Variants in ABCC4 observed in about 807,000 individuals in gnomAD.
ABCC4 encodes ATP binding cassette subfamily C member 4 (PEL blood group).
Under a neutral mutation model 168.5 loss-of-function variants are expected in ABCC4, and 102 were observed. The observed-to-expected ratio is 0.61, with a 90% CI of 0.52 to 0.71. The LOEUF is 0.71. ABCC4 is among the 30% of genes least tolerant of loss of function. The probability of loss-of-function intolerance (pLI) is 0.00; values close to 1 mark genes in which losing one functional copy is unlikely to be tolerated. For missense variants in ABCC4, 1,402 were observed against 1,605.8 expected, an observed-to-expected ratio of 0.87 and a Z score of 2.17; for synonymous variants, 617 against 590.7, an observed-to-expected ratio of 1.04 and a Z score of -0.65.
rs759121857 is a variant in ABCC4 at position 95,216,820 on chromosome 13, T to G, written c.532-6039A>C. Among the ~76,000 whole-genome samples the G allele has an allele frequency of 2.0e-5, 3 of 152,234 alleles. No homozygotes were observed. In the South Asian group the frequency reaches 6.2e-4, roughly 32 times the overall value. On this transcript the variant is annotated intron_variant, in intron 4 of 30. Coordinates refer to ENST00000645237, the MANE Select transcript of ABCC4 (RefSeq NM_005845.5). ...ATTTCACCGGGGAAAATGTAAGTAA[T>G]TAACAACTCTTGGGGAGGAAATCAA... is the stretch of plus-strand genomic sequence containing the variant.
At chr13:95,253,868 C>G (rs1019530946) in intron 1 of ABCC4, among the ~76,000 whole-genome samples, 15 of 152,068 alleles carry the variant, frequency 9.9e-5, no homozygotes, top group Non-Finnish European at 1.5e-5. Context: ...GGGCAATACT[C>G]TCATGCAAAT....
At chr13:95,030,366 A>C (rs532519984) in intron 30 of ABCC4, among the ~76,000 whole-genome samples, 7 of 152,208 alleles carry the variant, frequency 4.6e-5, no homozygotes, top group African/African-American at 1.7e-4. Flanking sequence ...TCATGAGTGC[A>C]TAAAATGGCA....
At chr13:95,146,506 C>T (rs570927173) in intron 19 of ABCC4, among the ~76,000 whole-genome samples, 3 of 152,288 alleles carry the variant, frequency 2.0e-5, no homozygotes, top group African/African-American at 7.2e-5. Flanking sequence ...TCCTGGCCTA[C>T]CAAGATGCTT....
intron 29 of ABCC4, 31 bp downstream of exon 29, chr13:95,043,651 G>T: frequency 6.5e-7 from 1 of 1,529,376 alleles, no homozygotes; most frequent in Non-Finnish European, 9.0e-7. Flanking sequence ...ATAATTGGGA[G>T]CAACAGGAAT....
At chr13:95,286,851 G>A (rs894917631) in intron 1 of ABCC4, among the ~76,000 whole-genome samples, 2 of 151,712 alleles carry the variant, frequency 1.3e-5, no homozygotes, top group African/African-American at 2.4e-5. Flanking sequence ...CAGTTACTCA[G>A]GAGGCTGAGG....
intron 8 of ABCC4, among the ~76,000 whole-genome samples, chr13:95,196,658 A>G (rs868113510): frequency 2.0e-4 from 7 of 35,688 alleles, no homozygotes; most frequent in East Asian, 9.4e-4. Context: ...GGAAGGAAGG[A>G]AGGAAGGAAG....
At chr13:95,132,364 C>T (rs1049787839) in intron 19 of ABCC4, among the ~76,000 whole-genome samples, 1 of 152,062 alleles carries the variant, frequency 6.6e-6, no homozygotes, top group Non-Finnish European at 1.5e-5. Context: ...TATAGGCATG[C>T]ACTGCCAAGC....
At chr13:95,044,037 T>C (rs996220595) in intron 28 of ABCC4, among the ~76,000 whole-genome samples, 1 of 152,216 alleles carries the variant, frequency 6.6e-6, no homozygotes, top group African/African-American at 2.4e-5. Context: ...AAGCTGATTA[T>C]TGGGAGTGGA....
chr13:95,237,101 G>A (rs1220772116), intron 3 of ABCC4, among the ~76,000 whole-genome samples: 4 of 152,140 alleles, frequency 2.6e-5, no homozygotes, highest in East Asian at 3.9e-4. Flanking sequence ...TGATTCAAAC[G>A]GCAAGAGGGA....
intron 30 of ABCC4, among the ~76,000 whole-genome samples, chr13:95,029,538 T>A: frequency 6.6e-6 from 1 of 152,220 alleles, no homozygotes; most frequent in South Asian, 2.1e-4. Flanking sequence ...TTTTTACTTA[T>A]TAAAGTTTTT....
intron 27 of ABCC4, among the ~76,000 whole-genome samples, chr13:95,045,462 T>C (rs1026777483): frequency 6.6e-6 from 1 of 152,196 alleles, no homozygotes; most frequent in Admixed American, 6.5e-5. Context: ...TAAGCCCCTA[T>C]GGCTATAAAG....
intron 30 of ABCC4, among the ~76,000 whole-genome samples, chr13:95,031,185 A>T (rs760040355): frequency 5.9e-5 from 9 of 152,262 alleles, no homozygotes; most frequent in Non-Finnish European, 1.3e-4. Flanking sequence ...GACCAAGTGT[A>T]TGCAGAAATG....
At chr13:95,037,415 T>C (rs934367702) in intron 29 of ABCC4, among the ~76,000 whole-genome samples, 3 of 152,248 alleles carry the variant, frequency 2.0e-5, no homozygotes, top group Non-Finnish European at 2.9e-5. Context: ...TGAATGTCTA[T>C]TTCCAAAGTA....
At chr13:95,185,306 C>A (rs533340514) in intron 11 of ABCC4, among the ~76,000 whole-genome samples, 1 of 152,270 alleles carries the variant, frequency 6.6e-6, no homozygotes. Context: ...CTTGCCTTAG[C>A]GCATCTTTTC....
intron 26 of ABCC4, among the ~76,000 whole-genome samples, chr13:95,061,594 TTGTGTGTGTGTGTGTGTGTGTGTG>T (rs57517042): frequency 6.7e-5 from 9 of 133,906 alleles, no homozygotes; most frequent in South Asian, 2.5e-4. Context: ...GAATATGTGT[TTGTGTGTGTGTGTGTGTGTGTGTG>T]TGTGTGTGTG....
At chr13:95,115,605 T>C (rs2035348020) in intron 20 of ABCC4, among the ~76,000 whole-genome samples, 2 of 151,876 alleles carry the variant, frequency 1.3e-5, no homozygotes. Flanking sequence ...TGTTTCTGTA[T>C]TATGAAATGT....
chr13:95,091,438 A>C (rs1360297254), intron 20 of ABCC4, among the ~76,000 whole-genome samples: 1 of 152,234 alleles, frequency 6.6e-6, no homozygotes, highest in East Asian at 1.9e-4. Flanking sequence ...TCAGATTAAC[A>C]GCAGATTTCT....
intron 29 of ABCC4, chr13:95,043,188 C>T (rs2032433544): frequency 6.6e-6 from 1 of 152,612 alleles, no homozygotes; most frequent in African/African-American, 2.4e-5. Flanking sequence ...GCTAGGCCCT[C>T]TCTGAAAATA....
chr13:95,153,247 T>C (rs182241836), intron 19 of ABCC4, among the ~76,000 whole-genome samples: 9 of 152,324 alleles, frequency 5.9e-5, no homozygotes, highest in South Asian at 4.1e-4. Flanking sequence ...CTTGAATTAC[T>C]ATTATCAGTC....
Sources: allele counts gnomAD v4.1 joint callset (sites outside exome capture counted in the v4.1 genomes callset), GRCh38; gene constraint gnomAD v4.1.1; transcripts MANE v1.5; gene names NCBI Gene and HGNC (gene_info 2026-07-23, HGNC 2026-07-21).